The following OPCML variants were observed in gnomAD, a reference collection of about 807,000 sequenced individuals.
OPCML encodes opioid-binding protein/cell adhesion molecule.
Under a neutral mutation model 37.8 loss-of-function variants are expected in OPCML, and 13 were observed. The ratio of observed to expected loss-of-function variants is 0.34; its 90% CI spans 0.22 to 0.55. OPCML has a LOEUF of 0.55. Among genes scored for constraint, OPCML ranks in the 20% least tolerant of loss-of-function variants. The pLI, the probability that OPCML is intolerant of heterozygous loss-of-function variation, is 0.91. For missense variants in OPCML, 341 were observed against 435.6 expected, an observed-to-expected ratio of 0.78 and a Z score of 1.93; for synonymous variants, 176 against 168.8, an observed-to-expected ratio of 1.04 and a Z score of -0.33.
intron 7 of OPCML, among the ~76,000 whole-genome samples, chr11:132,430,756 C>A (rs143166886): frequency 7.2e-4 from 110 of 152,296 alleles, no homozygotes; most frequent in Middle Eastern, 3.4e-3. Flanking sequence ...CAGTCTCCCC[C>A]CTCCGTCTTG....
intron 2 of OPCML, among the ~76,000 whole-genome samples, chr11:132,940,416 G>A (rs1283445604): frequency 6.6e-6 from 1 of 152,210 alleles, no homozygotes; most frequent in African/African-American, 2.4e-5. Context: ...AACATGTGAT[G>A]CGCTTGGAAC....
At chr11:133,520,247 G>A (rs1020044699) in intron 1 of OPCML, among the ~76,000 whole-genome samples, 1 of 152,070 alleles carries the variant, frequency 6.6e-6, no homozygotes, top group African/African-American at 2.4e-5. Flanking sequence ...GTGCGTGGGA[G>A]GTTCCTGGTC....
At chr11:132,910,297 C>T (rs1944386692) in intron 2 of OPCML, among the ~76,000 whole-genome samples, 1 of 152,230 alleles carries the variant, frequency 6.6e-6, no homozygotes, top group African/African-American at 2.4e-5. Flanking sequence ...CATTATGCCC[C>T]CACAGGGGCA....
intron 7 of OPCML, among the ~76,000 whole-genome samples, chr11:132,421,867 A>C (rs536465723): frequency 1.2e-4 from 18 of 152,178 alleles, no homozygotes; most frequent in Non-Finnish European, 2.2e-4. Flanking sequence ...CTGAGCTAGA[A>C]ATGCTCAGGT....
intron 2 of OPCML, among the ~76,000 whole-genome samples, chr11:132,813,609 C>A (rs1939469965): frequency 6.6e-6 from 1 of 152,150 alleles, no homozygotes; most frequent in Non-Finnish European, 1.5e-5. Flanking sequence ...TTGGAGAGAA[C>A]CTCTTTAAAG....
intron 1 of OPCML, among the ~76,000 whole-genome samples, chr11:133,531,714 GGGA>G (rs1948607581): frequency 6.6e-6 from 1 of 151,330 alleles, no homozygotes; most frequent in African/African-American, 2.4e-5. Context: ...AAGGAAGGGA[GGGA>G]GGAGGAGAGT....
chr11:132,581,848 A>G (rs1451785118), intron 3 of OPCML, among the ~76,000 whole-genome samples: 1 of 151,986 alleles, frequency 6.6e-6, no homozygotes, highest in Non-Finnish European at 1.5e-5. Flanking sequence ...CCAGTGTATT[A>G]TCTCAAGGGG....
chr11:133,427,848 G>GTA (rs1565628431), intron 1 of OPCML, among the ~76,000 whole-genome samples: 1 of 151,944 alleles, frequency 6.6e-6, no homozygotes, highest in Admixed American at 6.6e-5. Context: ...TCTTAGGAGC[G>GTA]TATACTCTCC....
intron 4 of OPCML, among the ~76,000 whole-genome samples, chr11:132,467,254 C>G (rs1291214306): frequency 3.3e-5 from 5 of 152,196 alleles, no homozygotes; most frequent in Admixed American, 6.5e-5. Flanking sequence ...GCTCCTCTAG[C>G]CTTCCGTCTC....
In OPCML at chr11:133,095,056, C is replaced by T. The variant is rs114863584; in HGVS notation, c.62-152046G>A. Among the ~76,000 whole-genome samples, 935 of 151,886 alleles carry T rather than the reference C, an allele frequency of 6.2e-3. 5 individuals are homozygous for T. Among genetic ancestry groups the T allele is most frequent in the African/African-American group, 0.021 (881 of 41,460 alleles). ...ATTCCCAAGGGGAAATCAAGAGTGT[C>T]GAGAGATACTGGAGCTCCACACGAT... On this transcript the variant is annotated intron_variant, in intron 1 of 7. Coordinates refer to ENST00000524381, the MANE Select transcript of OPCML (RefSeq NM_001012393.5).
At chr11:133,472,398 C>T (rs757991077) in intron 1 of OPCML, among the ~76,000 whole-genome samples, 2 of 152,070 alleles carry the variant, frequency 1.3e-5, no homozygotes, top group Non-Finnish European at 1.5e-5. Context: ...AAAGTCCTGA[C>T]GGTATTTAGG....
At chr11:133,061,627 A>G (rs1302467415) in intron 1 of OPCML, among the ~76,000 whole-genome samples, 1 of 152,172 alleles carries the variant, frequency 6.6e-6, no homozygotes, top group Non-Finnish European at 1.5e-5. Context: ...CTAGTCTTAC[A>G]CTCATACATC....
At chr11:133,237,804 A>C (rs78740541) in intron 1 of OPCML, among the ~76,000 whole-genome samples, 7,722 of 152,298 alleles carry the variant, frequency 0.051, 216 homozygotes, top group Middle Eastern at 0.065. Flanking sequence ...TTCATCTACC[A>C]ACCCCACTGC....
Position 133,173,601 on chromosome 11 carries a change from C to T in OPCML, c.62-230591G>A, listed in dbSNP as rs372132174. On this transcript the variant is annotated intron_variant, in intron 1 of 7. Coordinates refer to ENST00000524381, the MANE Select transcript of OPCML (RefSeq NM_001012393.5). The surrounding 1 kb of genome is among the most constrained non-coding windows in gnomAD (Gnocchi z 7.8). ...TCAAATCACATCACCTTTCAAATCA[C>T]CCCCCAGATGCCTCTCATTGCAAAA... is the stretch of plus-strand genomic sequence containing the variant. Among the ~76,000 whole-genome samples, 12 of 152,192 alleles carry T rather than the reference C, an allele frequency of 7.9e-5. No individual in the cohort carries two copies. The highest frequency in any genetic ancestry group is 2.9e-4 in the African/African-American group (12 of 41,526).
intron 1 of OPCML, among the ~76,000 whole-genome samples, chr11:133,385,134 C>G (rs4391826): frequency 6.6e-6 from 1 of 152,084 alleles, no homozygotes; most frequent in Non-Finnish European, 1.5e-5. Flanking sequence ...ACACTCTATC[C>G]GTTGCAGCAC....
At chr11:132,553,907 G>T (rs1185980799) in intron 3 of OPCML, among the ~76,000 whole-genome samples, 1 of 152,152 alleles carries the variant, frequency 6.6e-6, no homozygotes, top group East Asian at 1.9e-4. Context: ...GAAGAGAAAA[G>T]ATATTAATTT....
At chr11:132,944,132 C>G (rs1945684930) in intron 1 of OPCML, among the ~76,000 whole-genome samples, 1 of 152,104 alleles carries the variant, frequency 6.6e-6, no homozygotes, top group African/African-American at 2.4e-5. Flanking sequence ...CGTCCCGACA[C>G]CCGCGCCAGC....
intron 4 of OPCML, among the ~76,000 whole-genome samples, chr11:132,467,565 G>A (rs2512699): frequency 0.43 from 65,414 of 152,054 alleles, 15,747 homozygotes; most frequent in East Asian, 0.86. Context: ...TGTAAGAGTT[G>A]GAAGTGGATC....
At chr11:133,515,852 A>G (rs1283933365) in intron 1 of OPCML, among the ~76,000 whole-genome samples, 4 of 151,744 alleles carry the variant, frequency 2.6e-5, no homozygotes, top group African/African-American at 9.7e-5. Context: ...GGAAAAAAAA[A>G]AAAAAAGTTT....
Sources: gnomAD v4.1 joint callset for allele counts (sites outside exome capture counted in the v4.1 genomes callset) on GRCh38, gnomAD v4.1.1 for gene constraint, Gnocchi (gnomAD v3.1) non-coding constraint, MANE v1.5 for transcripts, NCBI Gene and HGNC (gene_info 2026-07-23, HGNC 2026-07-21) for gene names.